EIF2AK2: variants seen among roughly 807,000 people sequenced by gnomAD.
EIF2AK2 encodes eukaryotic translation initiation factor 2 alpha kinase 2, also known as interferon-induced, double-stranded RNA-activated protein kinase.
Under a neutral mutation model 70.5 loss-of-function variants are expected in EIF2AK2, and 40 were observed. The ratio of observed to expected loss-of-function variants is 0.57; its 90% confidence interval spans 0.44 to 0.74. EIF2AK2 has a LOEUF of 0.74. Among genes scored for constraint, EIF2AK2 ranks in the 30% least tolerant of loss-of-function variants. EIF2AK2 has a pLI of 0.00. For synonymous variants in EIF2AK2, 198 were observed against 220.9 expected, an observed-to-expected ratio of 0.90 and a Z score of 0.92; for missense variants, 555 against 644.3, an observed-to-expected ratio of 0.86 and a Z score of 1.50.
At chr2:37,116,318 C>T (rs1008283199) in intron 13 of EIF2AK2, among the ~76,000 whole-genome samples, 1 of 152,160 alleles carries the variant, frequency 6.6e-6, no homozygotes, top group Non-Finnish European at 1.5e-5. Context: ...TTCCTCAGCT[C>T]AAGCGATCCT....
At chr2:37,136,504 T>A (rs1462807562) in intron 9 of EIF2AK2, among the ~76,000 whole-genome samples, 1 of 152,256 alleles carries the variant, frequency 6.6e-6, no homozygotes, top group Non-Finnish European at 1.5e-5. Context: ...AATACATCTA[T>A]CTACTGCTCA....
At chr2:37,115,045 C>G (rs1168502233) in intron 13 of EIF2AK2, among the ~76,000 whole-genome samples, 186 bp from the exon 14 acceptor site, 3 of 138,072 alleles carry the variant, frequency 2.2e-5, no homozygotes, top group Non-Finnish European at 4.7e-5. Context: ...GTCAGGATTT[C>G]TTTTTTTTTT....
chr2:37,145,294 C>G (rs976467026), intron 4 of EIF2AK2, among the ~76,000 whole-genome samples: 1 of 151,946 alleles, frequency 6.6e-6, no homozygotes, highest in Non-Finnish European at 1.5e-5. Flanking sequence ...AGGTGCCCAC[C>G]ACCATGCCCG....
chr2:37,144,128 A>G (rs1052096102), intron 4 of EIF2AK2, among the ~76,000 whole-genome samples: 1 of 152,206 alleles, frequency 6.6e-6, no homozygotes, highest in South Asian at 2.1e-4. Flanking sequence ...TAGTACAGAC[A>G]GCATTTCGCC....
intron 9 of EIF2AK2, 71 bp from the exon 10 acceptor site, chr2:37,135,617 T>G: frequency 1.4e-6 from 2 of 1,404,452 alleles, no homozygotes; most frequent in South Asian, 2.5e-5. Context: ...AGTGTTAATG[T>G]TAACCTTTTT....
chr2:37,111,561 A>G (rs761944536), intron 14 of EIF2AK2, among the ~76,000 whole-genome samples: 1 of 151,766 alleles, frequency 6.6e-6, no homozygotes, highest in Non-Finnish European at 1.5e-5. Flanking sequence ...CTTCAAAAAT[A>G]TAAACAATAT....
chr2:37,132,194 T>A (rs1573020462), intron 10 of EIF2AK2, among the ~76,000 whole-genome samples: 1 of 152,098 alleles, frequency 6.6e-6, no homozygotes, highest in South Asian at 2.1e-4. Context: ...ACACAACATA[T>A]CCCCTTTTAT....
At chr2:37,130,771 C>T (rs1190923329) in intron 10 of EIF2AK2, among the ~76,000 whole-genome samples, 1 of 152,164 alleles carries the variant, frequency 6.6e-6, no homozygotes, top group African/African-American at 2.4e-5. Flanking sequence ...TTGATTGGAC[C>T]TTTCCCAACT....
At chr2:37,135,929 A>C (rs2148697526) in intron 9 of EIF2AK2, among the ~76,000 whole-genome samples, 1 of 152,344 alleles carries the variant, frequency 6.6e-6, no homozygotes, top group East Asian at 1.9e-4. Context: ...CACAGCACCC[A>C]GCCAACTTTT....
intron 13 of EIF2AK2, 132 bp downstream of exon 13, chr2:37,119,827 G>T: frequency 2.4e-6 from 1 of 419,116 alleles, no homozygotes; most frequent in Non-Finnish European, 3.7e-6. Flanking sequence ...CATGACCTCA[G>T]ATGATCTGCC....
chr2:37,156,835 C>A (rs2148724092), intron 1 of EIF2AK2, 73 bp downstream of exon 1: 1 of 155,896 alleles, frequency 6.4e-6, no homozygotes, highest in Non-Finnish European at 1.4e-5. Context: ...CCCGGCTGGG[C>A]CTGCAGCCCC....
intron 5 of EIF2AK2, 99 bp downstream of exon 5, chr2:37,141,454 T>G: frequency 6.9e-7 from 1 of 1,445,100 alleles, no homozygotes; most frequent in Non-Finnish European, 9.5e-7. Context: ...TACAGAATGC[T>G]TAAAAGGACA....
At chr2:37,135,852 G>A (rs1440224759) in intron 9 of EIF2AK2, among the ~76,000 whole-genome samples, 2 of 152,062 alleles carry the variant, frequency 1.3e-5, no homozygotes, top group African/African-American at 2.4e-5. Context: ...GTCTGGTCTC[G>A]AACTCCTGGA....
At chr2:37,134,147 G>A (rs1460081360) in intron 10 of EIF2AK2, among the ~76,000 whole-genome samples, 1 of 152,114 alleles carries the variant, frequency 6.6e-6, no homozygotes, top group African/African-American at 2.4e-5. Flanking sequence ...ACTCCAAAAA[G>A]GAGCTTCCTT....
At chr2:37,110,743 G>C (rs915264524) in intron 14 of EIF2AK2, among the ~76,000 whole-genome samples, 1 of 151,864 alleles carries the variant, frequency 6.6e-6, no homozygotes, top group Non-Finnish European at 1.5e-5. Flanking sequence ...AATTAAAATA[G>C]GATAAACAAC....
chr2:37,156,331 GGAGCAGGGGA>G (rs1238983887), intron 1 of EIF2AK2, among the ~76,000 whole-genome samples: 2 of 152,158 alleles, frequency 1.3e-5, no homozygotes, highest in Non-Finnish European at 2.9e-5. Context: ...GGGGAAGGTC[GGAGCAGGGGA>G]GAGTCTGGTT....
chr2:37,121,095 C>G (rs1468534741), intron 12 of EIF2AK2, among the ~76,000 whole-genome samples: 1 of 148,690 alleles, frequency 6.7e-6, no homozygotes, highest in African/African-American at 2.4e-5. Flanking sequence ...AATCCCGTCT[C>G]TACTAAAAAT....
At chr2:37,135,820 C>T (rs1675107773) in intron 9 of EIF2AK2, among the ~76,000 whole-genome samples, 1 of 152,114 alleles carries the variant, frequency 6.6e-6, no homozygotes, top group African/African-American at 2.4e-5. Flanking sequence ...TTAGTAGAGA[C>T]AGGGTCTCTT....
chr2:37,117,321 T>C (rs1489845285), intron 13 of EIF2AK2, among the ~76,000 whole-genome samples: 1 of 152,106 alleles, frequency 6.6e-6, no homozygotes, highest in African/African-American at 2.4e-5. Context: ...GCAGATCACT[T>C]GAGCTCAGGA....
Sources: gnomAD v4.1 joint callset for allele counts (sites outside exome capture counted in the v4.1 genomes callset) on GRCh38, gnomAD v4.1.1 for gene constraint, MANE v1.5 for transcripts, NCBI Gene and HGNC (gene_info 2026-07-23, HGNC 2026-07-21) for gene names.